GRM5: variants seen among roughly 807,000 people sequenced by gnomAD.
The protein encoded by GRM5 is glutamate metabotropic receptor 5, also known as metabotropic glutamate receptor 5.
GRM5 carries 19 observed loss-of-function variants against 83.1 expected under a neutral mutation model. The observed-to-expected ratio is 0.23, with a 90% CI of 0.16 to 0.34. GRM5 has a LOEUF of 0.34. Ranked by LOEUF, GRM5 falls within the 10% of genes least tolerant of loss-of-function variation. GRM5 has a pLI of 1.00. For synonymous variants in GRM5, 675 were observed against 633.6 expected (o/e 1.07, Z -0.98); for missense variants, 1,160 against 1,588.3 (o/e 0.73, Z 4.58).
intron 3 of GRM5, among the ~76,000 whole-genome samples, chr11:88,706,288 A>C (rs1941156089): frequency 6.6e-6 from 1 of 151,904 alleles, no homozygotes. Flanking sequence ...CTAAGCCCTC[A>C]CCCTTCCTCA....
intron 2 of GRM5, among the ~76,000 whole-genome samples, chr11:88,900,863 T>C (rs1945303131): frequency 1.3e-5 from 2 of 152,240 alleles, no homozygotes; most frequent in Admixed American, 6.5e-5. Flanking sequence ...TGGGATGGTT[T>C]TCTGGGAAAA....
chr11:88,903,104 T>A (rs1172756013), intron 2 of GRM5, among the ~76,000 whole-genome samples: 1 of 151,236 alleles, frequency 6.6e-6, no homozygotes, highest in Non-Finnish European at 1.5e-5. Context: ...TGCACCTGAG[T>A]GAAAAGAGGG....
At chr11:88,849,701 T>C (rs1485702087) in intron 3 of GRM5, among the ~76,000 whole-genome samples, 1 of 152,210 alleles carries the variant, frequency 6.6e-6, no homozygotes, top group African/African-American at 2.4e-5. Flanking sequence ...CATTTGTTGA[T>C]TCCTGTTACT....
At chr11:88,821,364 A>C (rs6483485) in intron 3 of GRM5, among the ~76,000 whole-genome samples, 20,660 of 140,696 alleles carry the variant, frequency 0.15, 2,568 homozygotes, top group African/African-American at 0.35. Context: ...AAAAAAAAAG[A>C]AAAAAGAAAA....
At chr11:88,650,976 A>T (rs7938954) in intron 4 of GRM5, among the ~76,000 whole-genome samples, 135,849 of 151,916 alleles carry the variant, frequency 0.89, 61,516 homozygotes, top group Non-Finnish European at 0.98. Context: ...TGTCCATGCC[A>T]ATGTACCAAA....
chr11:88,946,961 G>A (rs1457357733), intron 2 of GRM5, among the ~76,000 whole-genome samples: 1 of 152,060 alleles, frequency 6.6e-6, no homozygotes, highest in Non-Finnish European at 1.5e-5. Context: ...CAATGAGAAT[G>A]TTTACCTATG....
At chr11:88,610,851 G>A (rs569227259) in intron 4 of GRM5, among the ~76,000 whole-genome samples, 2 of 152,204 alleles carry the variant, frequency 1.3e-5, no homozygotes, top group South Asian at 2.1e-4. Context: ...TGTTGGCTGT[G>A]GATTTGTCAT....
chr11:88,846,551 G>A (rs1944306445), intron 3 of GRM5, among the ~76,000 whole-genome samples: 1 of 152,204 alleles, frequency 6.6e-6, no homozygotes, highest in Non-Finnish European at 1.5e-5. Context: ...CAGCAGAGTT[G>A]TCTTAGTCCT....
chr11:88,638,791 A>G (rs1308680783), intron 4 of GRM5, among the ~76,000 whole-genome samples: 4 of 151,966 alleles, frequency 2.6e-5, no homozygotes, highest in Non-Finnish European at 5.9e-5. Flanking sequence ...TTTCTTTTTC[A>G]TATCTATAAA....
intron 3 of GRM5, among the ~76,000 whole-genome samples, chr11:88,682,020 C>T (rs1396970894): frequency 6.6e-6 from 1 of 152,080 alleles, no homozygotes; most frequent in Non-Finnish European, 1.5e-5. Flanking sequence ...ATACTGTTCA[C>T]CTAGGATAGC....
At chr11:88,653,108 G>T (rs895565504) in intron 4 of GRM5, 60 bp downstream of exon 4, 3 of 1,035,512 alleles carry the variant, frequency 2.9e-6, no homozygotes, top group African/African-American at 3.2e-5. Context: ...CCATGACATG[G>T]TTTACTTAAA....
At chr11:88,890,304 C>G (rs1945122349) in intron 2 of GRM5, among the ~76,000 whole-genome samples, 1 of 152,116 alleles carries the variant, frequency 6.6e-6, no homozygotes, top group Admixed American at 6.6e-5. Context: ...TTTTAGGGAT[C>G]TGCCTTTGCC....
chr11:88,810,133 G>GT (rs1289452063), intron 3 of GRM5, among the ~76,000 whole-genome samples: 8 of 152,004 alleles, frequency 5.3e-5, no homozygotes, highest in Non-Finnish European at 8.8e-5. Flanking sequence ...TAGGCCCCAA[G>GT]TATGAGAAAG....
intron 2 of GRM5, among the ~76,000 whole-genome samples, chr11:88,979,730 C>A (rs1309099877): frequency 1.3e-5 from 2 of 152,118 alleles, no homozygotes; most frequent in East Asian, 3.9e-4. Context: ...GTCTGTGGCT[C>A]TCCTGTGCTG....
chr11:88,688,469 A>G lies in GRM5; in HGVS notation c.912-35066T>C, dbSNP rs553221960. ...CTGAGAAAAATATACTGTGGATTTC[A>G]GTACAAAGCTCAATAGCATCCATAA... On this transcript the variant is annotated intron_variant, in intron 3 of 9. Transcript: ENST00000305447. Among the ~76,000 whole-genome samples, 6 of 152,328 alleles carry G rather than the reference A, an allele frequency of 3.9e-5. No homozygotes were observed. In the East Asian group the frequency reaches 9.6e-4, roughly 24 times the overall value.
At chr11:88,728,429 G>A (rs549901138) in intron 3 of GRM5, among the ~76,000 whole-genome samples, 6 of 152,084 alleles carry the variant, frequency 3.9e-5, no homozygotes, top group East Asian at 1.9e-4. Context: ...ATTCACAACC[G>A]AATTCTACTA....
intron 3 of GRM5, among the ~76,000 whole-genome samples, chr11:88,753,032 A>G (rs1211195911): frequency 2.0e-5 from 3 of 152,218 alleles, no homozygotes; most frequent in African/African-American, 7.2e-5. Flanking sequence ...AATACCATTC[A>G]GGACAGAGGC....
chr11:88,794,020 T>A (rs10831443), intron 3 of GRM5, among the ~76,000 whole-genome samples: 1 of 152,054 alleles, frequency 6.6e-6, no homozygotes, highest in African/African-American at 2.4e-5. Flanking sequence ...CAAGGATCTC[T>A]TTATGTTTCT....
At chr11:89,058,049 C>G (rs986004594) in intron 1 of GRM5, among the ~76,000 whole-genome samples, 3 of 151,830 alleles carry the variant, frequency 2.0e-5, no homozygotes, top group South Asian at 2.1e-4. Flanking sequence ...CTCCAAAGCC[C>G]AAACTTAATA....
Sources: gnomAD v4.1 joint callset for allele counts (sites outside exome capture counted in the v4.1 genomes callset) on GRCh38, gnomAD v4.1.1 for gene constraint, MANE v1.5 for transcripts, NCBI Gene and HGNC (gene_info 2026-07-23, HGNC 2026-07-21) for gene names.